Variants in UBN2 observed in about 807,000 individuals in gnomAD.
UBN2 encodes ubinuclein-2.
In UBN2, 35 loss-of-function variants were observed where a neutral mutation model predicts 120.2. The observed-to-expected ratio is 0.29, with a 90% CI of 0.22 to 0.39. The LOEUF is 0.39. UBN2 is among the 10% of genes least tolerant of loss of function. The probability of loss-of-function intolerance (pLI) is 1.00; values close to 1 mark genes in which losing one functional copy is unlikely to be tolerated. For missense variants in UBN2, 1,693 were observed against 1,663.2 expected (o/e 1.02, Z -0.31); for synonymous variants, 661 against 648.7 (o/e 1.02, Z -0.29).
In UBN2 at chr7:139,305,491, AT is replaced by A. The variant is rs1309896602; in HGVS notation, c.*7660del. The A allele has an allele frequency of 6.6e-6, 1 of 152,090 alleles. No homozygotes were observed. The highest frequency in any genetic ancestry group is 1.9e-4 in the East Asian group (1 of 5,204). 9.4% of individuals were successfully genotyped at this position (152,090 alleles called of 1,614,324 possible). A position where few individuals can be genotyped will look rare whatever the true frequency, so the allele number is the denominator to read the frequency against. On this transcript the variant is annotated 3_prime_UTR_variant, in exon 18 of 18. Coordinates refer to ENST00000473989, the MANE Select transcript of UBN2 (RefSeq NM_173569.4). ...TTTGAATAATGTGATATTAAATTTT[AT>A]TTTTCTCATAGACTCTCAAAGTACC...
At chr7:139,262,863 C>T (rs760008924) in intron 6 of UBN2, among the ~76,000 whole-genome samples, 16 of 152,114 alleles carry the variant, frequency 1.1e-4, no homozygotes, top group Non-Finnish European at 2.1e-4. Context: ...GGCCCCATCT[C>T]TACAATCTTA....
chr7:139,279,798 G>A (rs1368258761), intron 13 of UBN2, among the ~76,000 whole-genome samples: 1 of 152,042 alleles, frequency 6.6e-6, no homozygotes, highest in Non-Finnish European at 1.5e-5. Context: ...ATAGCAGTTA[G>A]GGTTTTCTTG....
At chr7:139,276,931 T>G (rs1210987348) in intron 12 of UBN2, 1 of 153,102 alleles carries the variant, frequency 6.5e-6, no homozygotes, top group Non-Finnish European at 1.5e-5. Flanking sequence ...AGGCATGGTG[T>G]GTGTGCCTGT....
intron 15 of UBN2, among the ~76,000 whole-genome samples, chr7:139,288,188 G>C (rs145394944): frequency 4.4e-3 from 664 of 152,296 alleles, no homozygotes; most frequent in Non-Finnish European, 6.6e-3. Flanking sequence ...GGGATGAACA[G>C]CATACTCACA....
At position 139,240,449 on chromosome 7, in the gene UBN2, TATATA is replaced by T. The variant is rs1282863937; in HGVS notation, c.561+3353_561+3357del. ...GCCTAAATATATATATATATATATATATATATTTTTTTTTTTAAATAATTATTTGG... is the reference window on the plus strand; with the variant it reads ...GCCTAAATATATATATATATATATATTTTTTTTTTTTAAATAATTATTTGG... On this transcript the variant is annotated intron_variant, in intron 2 of 17. Coordinates refer to ENST00000473989, the MANE Select transcript of UBN2 (RefSeq NM_173569.4). Among the ~76,000 whole-genome samples the T allele has an allele frequency of 3.2e-3, 116 of 36,668 alleles. 1 individual carries two copies. In the South Asian group the frequency reaches 0.034, roughly 11 times the overall value. The allele number at this position is 36,668 out of a possible 152,430, so 24.1% of individuals were successfully genotyped here.
At chr7:139,258,318 T>C (rs1463333086) in intron 3 of UBN2, among the ~76,000 whole-genome samples, 170 bp from the exon 4 acceptor site, 1 of 152,098 alleles carries the variant, frequency 6.6e-6, no homozygotes, top group East Asian at 1.9e-4. Flanking sequence ...AGAACTAATT[T>C]TTATTTCAGA....
chr7:139,238,371 C>G (rs1038224331), intron 2 of UBN2, among the ~76,000 whole-genome samples: 2 of 152,124 alleles, frequency 1.3e-5, no homozygotes, highest in African/African-American at 4.8e-5. Context: ...CCATACTTTG[C>G]CATCTGCTAA....
Position 139,276,130 on chromosome 7 carries a change from T to G in UBN2, c.2007T>G (p.Asn669Lys). ...MLFKESRSVH[N>K]HLTSAPAKKK... ...TTAAGGAAAGCCGGAGTGTTCATAA[T>G]CATCTTACTTCTGCTCCGTGAGTAA... Residue 669 changes from asparagine (N) to lysine (K), a missense_variant, in exon 12 of 18, where the codon AAT becomes AAG. By Grantham distance (94) the Asn-to-Lys change is moderately conservative. Transcript: ENST00000473989. The G allele has an allele frequency of 6.2e-7, 1 of 1,613,700 alleles. No individual in the cohort carries two copies. Among genetic ancestry groups the G allele is most frequent in the Non-Finnish European group, 8.5e-7 (1 of 1,179,920 alleles).
chr7:139,319,468 C>G, the UBN2 span, among the ~76,000 whole-genome samples: 9 of 152,214 alleles, frequency 5.9e-5, no homozygotes, highest in Admixed American at 5.9e-4. Flanking sequence ...AAAATCCAGA[C>G]TCTAAAGCCA....
chr7:139,231,973 C>T (rs1455503428), intron 1 of UBN2, 21 bp downstream of exon 1: 4 of 1,568,982 alleles, frequency 2.5e-6, no homozygotes, highest in Non-Finnish European at 3.4e-6. Flanking sequence ...TTCTTCCCTC[C>T]TGCCCCAGAC....
rs544724565 is a variant in UBN2 at position 139,241,124 on chromosome 7, C to G, written c.561+4027C>G. On this transcript the variant is annotated intron_variant, in intron 2 of 17. Transcript: ENST00000473989. ...TTTATGAGGCCACCTATACTCTATA[C>G]TCAGGAGTAGGATGCTTCAATTTGA... Among the ~76,000 whole-genome samples the G allele has an allele frequency of 2.6e-5, 4 of 152,276 alleles. No individual in the cohort carries two copies. In the South Asian group the frequency reaches 8.3e-4, roughly 32 times the overall value.
rs1214841926 is a variant in UBN2 at position 139,308,209 on chromosome 7, T to C, written c.*10373T>C. The C allele has an allele frequency of 6.6e-6, 1 of 152,070 alleles. No individual in the cohort carries two copies. Among genetic ancestry groups the C allele is most frequent in the Non-Finnish European group, 1.5e-5 (1 of 68,004 alleles). 9.4% of individuals were successfully genotyped at this position (152,070 alleles called of 1,614,324 possible). A position where few individuals can be genotyped will look rare whatever the true frequency, so the allele number is the denominator to read the frequency against. ...TGTATATGTTACGTGTTTGTTGTTG[T>C]ATTAAATAAAGAGGAATGTACATAC... On this transcript the variant is annotated 3_prime_UTR_variant, in exon 18 of 18. Transcript: ENST00000473989.
intron 10 of UBN2, 104 bp downstream of exon 10, chr7:139,273,514 A>T: frequency 6.5e-6 from 5 of 771,302 alleles, no homozygotes; most frequent in Non-Finnish European, 9.7e-6. Flanking sequence ...AAGCAACCAA[A>T]GATTAGTGTG....
intron 17 of UBN2, 22 bp from the exon 18 acceptor site, chr7:139,297,765 A>AT: frequency 1.2e-6 from 2 of 1,613,878 alleles, no homozygotes; most frequent in Non-Finnish European, 1.7e-6. Flanking sequence ...ACCCATACCA[A>AT]TTTAACGTCT....
the UBN2 span, among the ~76,000 whole-genome samples, chr7:139,326,320 T>TAC: frequency 1.3e-5 from 2 of 152,128 alleles, no homozygotes; most frequent in East Asian, 1.9e-4. Context: ...TCAGCATATG[T>TAC]ACACACACAC....
At chr7:139,261,152 A>C (rs1359646506) in intron 5 of UBN2, 100 bp from the exon 6 acceptor site, 1 of 1,358,100 alleles carries the variant, frequency 7.4e-7, no homozygotes, top group Non-Finnish European at 1.0e-6. Context: ...CTGCTCTGTC[A>C]CCTGTCAAAT....
chr7:139,293,794 G>T, intron 16 of UBN2, 95 bp from the exon 17 acceptor site: 1 of 1,152,670 alleles, frequency 8.7e-7, no homozygotes, highest in South Asian at 1.3e-5. Context: ...GAAGTCAGGT[G>T]CTGTGCCTGC....
intron 11 of UBN2, among the ~76,000 whole-genome samples, chr7:139,275,687 C>T (rs1797422817): frequency 6.6e-6 from 1 of 152,064 alleles, no homozygotes; most frequent in Admixed American, 6.6e-5. Flanking sequence ...ATCTGTTGGC[C>T]AGGTGTGGTA....
rs1796013826 is a variant in UBN2 at position 139,231,649 on chromosome 7, G to A, written c.165G>A (p.Arg55=). ...CCCGGGCGGAGCCGCCGGCCCCGCGGGAGCCTGCCCCCCGCTCGGACGCGC... is the reference window on the plus strand; with the variant it reads ...CCCGGGCGGAGCCGCCGGCCCCGCGAGAGCCTGCCCCCCGCTCGGACGCGC... ...EPARAEPPAP[R]EPAPRSDAQP... is the part of the protein sequence containing the mutation. Residue 55 remains arginine (R), a synonymous_variant, in exon 1 of 18, where the codon CGG becomes CGA. Transcript: ENST00000473989. The A allele has an allele frequency of 2.5e-6, 3 of 1,214,944 alleles. No individual in the cohort carries two copies. Among genetic ancestry groups the A allele is most frequent in the African/African-American group, 1.6e-5 (1 of 62,958 alleles). 75.3% of individuals were successfully genotyped at this position (1,214,944 alleles called of 1,614,324 possible). A position where few individuals can be genotyped will look rare whatever the true frequency, so the allele number is the denominator to read the frequency against.
Sources: gnomAD v4.1 joint callset for allele counts (sites outside exome capture counted in the v4.1 genomes callset) on GRCh38, gnomAD v4.1.1 for gene constraint, MANE v1.5 for transcripts, NCBI Gene and HGNC (gene_info 2026-07-23, HGNC 2026-07-21) for gene names.